Variants in NUDCD1 observed in about 807,000 individuals in gnomAD.
NUDCD1 encodes NudC domain containing 1.
In NUDCD1, 60 loss-of-function variants were observed where a neutral mutation model predicts 67.8. The ratio of observed to expected loss-of-function variants is 0.88; its 90% confidence interval spans 0.72 to 1.10. NUDCD1 has a LOEUF of 1.10. NUDCD1 is among the 50% of genes least tolerant of loss of function. The pLI is 0.00. For missense variants in NUDCD1, 643 were observed against 695.0 expected, an observed-to-expected ratio of 0.93 and a Z score of 0.84; for synonymous variants, 244 against 230.8, an observed-to-expected ratio of 1.06 and a Z score of -0.52.
intron 2 of NUDCD1, among the ~76,000 whole-genome samples, chr8:109,312,323 C>T (rs796753151): frequency 5.3e-4 from 78 of 145,870 alleles, no homozygotes; most frequent in African/African-American, 1.8e-3. Flanking sequence ...AAAAAAAAGC[C>T]CCAAATCACT....
chr8:109,272,853 T>C (rs1188755103), intron 7 of NUDCD1, among the ~76,000 whole-genome samples: 1 of 152,140 alleles, frequency 6.6e-6, no homozygotes, highest in Admixed American at 6.5e-5. Context: ...TGTGGCTGGC[T>C]GTAAAGGCAC....
rs1814426370 is a variant in NUDCD1, at chr8:109,281,065, T to C, written c.931A>G (p.Ile311Val). 1 of 1,612,698 alleles carries C rather than the reference T, an allele frequency of 6.2e-7. No homozygotes were observed. Among genetic ancestry groups the C allele is most frequent in the Admixed American group, 1.7e-5 (1 of 60,032 alleles). The change falls in exon 6 of 10, where the codon ATC becomes GTC. Residue 311 changes from isoleucine (I) to valine (V), a missense_variant. Ile to Val is a conservative substitution (Grantham distance 29). Transcript: ENST00000239690. Reference sequence around the variant, plus strand: ...TGGTGATCCTTCAGTACAATGTTGATGTGATCAGGCAAAAACTGTATTTGA... The same window carrying C: ...TGGTGATCCTTCAGTACAATGTTGACGTGATCAGGCAAAAACTGTATTTGA... ...DIQIQFLPDH[I>V]NIVLKDHQFL...
chr8:109,250,139 C>T (rs914576612), intron 8 of NUDCD1, among the ~76,000 whole-genome samples: 2 of 152,040 alleles, frequency 1.3e-5, no homozygotes, highest in African/African-American at 4.8e-5. Flanking sequence ...GCCACTGGTG[C>T]CTGGCAAGAA....
intron 2 of NUDCD1, among the ~76,000 whole-genome samples, chr8:109,319,458 C>T (rs941054502): frequency 1.5e-4 from 23 of 152,158 alleles, no homozygotes; most frequent in African/African-American, 5.6e-4. Flanking sequence ...AGAAGAAATT[C>T]ACAGCACATG....
At chr8:109,330,654 C>T (rs1359517699) in intron 1 of NUDCD1, among the ~76,000 whole-genome samples, 2 of 152,174 alleles carry the variant, frequency 1.3e-5, no homozygotes, top group African/African-American at 2.4e-5. Flanking sequence ...TATCTGTTCA[C>T]GTCCCTTGTA....
intron 8 of NUDCD1, among the ~76,000 whole-genome samples, chr8:109,260,158 C>T (rs1813831693): frequency 6.6e-6 from 1 of 152,182 alleles, no homozygotes; most frequent in South Asian, 2.1e-4. Flanking sequence ...GAAATGTCTG[C>T]AACAATTATG....
chr8:109,313,582 C>T (rs773586255), intron 2 of NUDCD1, among the ~76,000 whole-genome samples: 1 of 152,066 alleles, frequency 6.6e-6, no homozygotes, highest in Non-Finnish European at 1.5e-5. Flanking sequence ...GTGTGATATA[C>T]GTAATTTTAA....
intron 8 of NUDCD1, among the ~76,000 whole-genome samples, chr8:109,268,027 C>A (rs77428945): frequency 0.021 from 3,151 of 152,250 alleles, 111 homozygotes; most frequent in African/African-American, 0.072. Context: ...ATATAAACTC[C>A]ATCTATCTCA....
rs1282763882 is a variant in NUDCD1 at position 109,258,233 on chromosome 8, T to C, written c.1300-12752A>G. ...ATGTAAAAGTCAAAATAATTTTTTT[T>C]CTTACAGATATCTAACAGACCCAGT... On this transcript the variant is annotated intron_variant, in intron 8 of 9. Transcript: ENST00000239690. Among the ~76,000 whole-genome samples, 5 of 152,282 alleles carry C rather than the reference T, an allele frequency of 3.3e-5. No homozygotes were observed. In the South Asian group the frequency reaches 6.2e-4, roughly 19 times the overall value.
At chr8:109,285,816 T>A (rs2926275) in intron 5 of NUDCD1, among the ~76,000 whole-genome samples, 54,770 of 151,960 alleles carry the variant, frequency 0.36, 10,689 homozygotes, top group South Asian at 0.5. Context: ...ACCAGAGCAA[T>A]CAGGCAAAAG....
At chr8:109,252,165 G>A (rs2129880945) in intron 8 of NUDCD1, among the ~76,000 whole-genome samples, 1 of 152,220 alleles carries the variant, frequency 6.6e-6, no homozygotes, top group South Asian at 2.1e-4. Flanking sequence ...GCCTGATGGT[G>A]AGGGGGATGT....
At position 109,271,125 on chromosome 8, in the gene NUDCD1, T is replaced by C; in HGVS notation, c.1179A>G (p.Pro393=). 1 of 1,550,070 alleles carries C rather than the reference T, an allele frequency of 6.5e-7. No individual in the cohort carries two copies. The highest frequency in any genetic ancestry group is 8.8e-7 in the Non-Finnish European group (1 of 1,139,060). The change falls in exon 8 of 10, where the codon CCA becomes CCG. Residue 393 remains proline (P), a synonymous_variant. Coordinates refer to ENST00000239690, the MANE Select transcript of NUDCD1 (RefSeq NM_032869.4). ...LMHLTSEELN[P]NPDKEKPPCN... is the part of the protein sequence containing the mutation. Reference sequence around the variant, plus strand: ...AAGGTGGTTTTTCTTTATCTGGATTTGGATTCTTAGTCCAGAAAATAAAAT... The same window carrying C: ...AAGGTGGTTTTTCTTTATCTGGATTCGGATTCTTAGTCCAGAAAATAAAAT...
chr8:109,255,678 GAA>G (rs34690940), intron 8 of NUDCD1, among the ~76,000 whole-genome samples: 6 of 92,460 alleles, frequency 6.5e-5, no homozygotes, highest in Admixed American at 3.3e-4. Flanking sequence ...GTTCCACACA[GAA>G]AAAAAAAAAA....
intron 2 of NUDCD1, chr8:109,313,817 T>C (rs1815320126): frequency 8.5e-6 from 9 of 1,060,942 alleles, no homozygotes; most frequent in Non-Finnish European, 1.2e-5. Flanking sequence ...ATGACGGAGG[T>C]TGCTAGAAGT....
chr8:109,245,565 TTAAG>T lies in NUDCD1; in HGVS notation c.1300-88_1300-85del, dbSNP rs1256565226. 2.9e-6 allele frequency: 3 copies of T among 1,042,438 alleles called. No individual in the cohort carries two copies. The African/African-American group carries it at 4.9e-5, about 17-fold the overall frequency. The allele number at this position is 1,042,438 out of a possible 1,614,324, so 64.6% of individuals were successfully genotyped here. A position where few individuals can be genotyped will look rare whatever the true frequency, so the allele number is the denominator to read the frequency against. On this transcript the variant is annotated intron_variant, in intron 8 of 9. Coordinates refer to ENST00000239690, the MANE Select transcript of NUDCD1 (RefSeq NM_032869.4). ...CAATGGCAGAAGCTGACAGCCAGCATTAAGTGTCAGCAACTGTTTTATACTTTTT... is the reference window on the plus strand; with the variant it reads ...CAATGGCAGAAGCTGACAGCCAGCATTGTCAGCAACTGTTTTATACTTTTT...
chr8:109,300,514 A>G (rs1814961476), intron 2 of NUDCD1, among the ~76,000 whole-genome samples: 1 of 152,208 alleles, frequency 6.6e-6, no homozygotes, highest in South Asian at 2.1e-4. Flanking sequence ...GAGCTCGAAG[A>G]CAAGGTCTTT....
At chr8:109,331,557 T>G (rs74771803) in intron 1 of NUDCD1, among the ~76,000 whole-genome samples, 2 of 148,716 alleles carry the variant, frequency 1.3e-5, no homozygotes. Context: ...TGGCACCTGA[T>G]ATCCTGCAGC....
rs745526135 is a variant in NUDCD1, at chr8:109,296,347, T to C, written c.459+37A>G. The C allele has an allele frequency of 5.2e-6, 8 of 1,544,634 alleles. No individual in the cohort carries two copies. The Admixed American group carries it at 1.2e-4, about 23-fold the overall frequency. ...TAAGTAGGGTGTAATTTACATATAC[T>C]TTCTGGACTTCGCATAAGTCTTAAA... On this transcript the variant is annotated intron_variant, in intron 3 of 9. Coordinates refer to ENST00000239690, the MANE Select transcript of NUDCD1 (RefSeq NM_032869.4).
intron 2 of NUDCD1, among the ~76,000 whole-genome samples, chr8:109,320,740 C>T (rs1443278896): frequency 6.6e-6 from 1 of 152,172 alleles, no homozygotes; most frequent in African/African-American, 2.4e-5. Flanking sequence ...TAAAGACAGG[C>T]ATAAGAAATT....
Sources: allele counts gnomAD v4.1 joint callset (sites outside exome capture counted in the v4.1 genomes callset), GRCh38; gene constraint gnomAD v4.1.1; transcripts MANE v1.5; gene names NCBI Gene and HGNC (gene_info 2026-07-23, HGNC 2026-07-21).